The following FANCC variants were observed in gnomAD, a reference collection of about 807,000 sequenced individuals.
The protein encoded by FANCC is FA complementation group C, also known as Fanconi anemia group C protein.
In FANCC, 55 loss-of-function variants were observed where a neutral mutation model predicts 71.3. The ratio of observed to expected loss-of-function variants is 0.77; its 90% CI spans 0.62 to 0.97. The LOEUF (loss-of-function observed/expected upper bound fraction) is 0.97, where lower values mean the gene tolerates loss of function less well. Ranked by LOEUF, FANCC falls within the 50% of genes least tolerant of loss-of-function variation. The probability of loss-of-function intolerance (pLI) is 0.00; values close to 1 mark genes in which losing one functional copy is unlikely to be tolerated. For missense variants in FANCC, 678 were observed against 670.9 expected (o/e 1.01, Z -0.12); for synonymous variants, 275 against 244.9 (o/e 1.12, Z -1.15).
At chr9:95,309,310 A>T (rs895799207) in intron 1 of FANCC, among the ~76,000 whole-genome samples, 1 of 152,192 alleles carries the variant, frequency 6.6e-6, no homozygotes, top group African/African-American at 2.4e-5. Flanking sequence ...AATAAAATGC[A>T]TGCTGTTATA....
intron 7 of FANCC, among the ~76,000 whole-genome samples, chr9:95,141,968 T>C (rs1014816711): frequency 2.0e-5 from 3 of 150,572 alleles, no homozygotes; most frequent in Non-Finnish European, 3.0e-5. Context: ...AATAGTAATA[T>C]GTTAACAGTT....
At chr9:95,268,817 G>A (rs888041690) in intron 1 of FANCC, among the ~76,000 whole-genome samples, 1 of 152,122 alleles carries the variant, frequency 6.6e-6, no homozygotes, top group Non-Finnish European at 1.5e-5. Flanking sequence ...CCTCTCACCA[G>A]ACCAGCCATG....
intron 6 of FANCC, among the ~76,000 whole-genome samples, chr9:95,161,327 C>T: frequency 6.6e-6 from 1 of 152,216 alleles, no homozygotes; most frequent in Admixed American, 6.5e-5. Flanking sequence ...CTATCAACCT[C>T]CAGGAAATAT....
chr9:95,161,473 G>A (rs1313114909), intron 6 of FANCC, among the ~76,000 whole-genome samples: 1 of 152,126 alleles, frequency 6.6e-6, no homozygotes, highest in East Asian at 1.9e-4. Flanking sequence ...CAAATTCCAG[G>A]AAGACCAAAT....
rs1800368 is a variant in FANCC at position 95,107,205 on chromosome 9, T to C, written c.1394A>G (p.Gln465Arg). The change falls in exon 14 of 15, where the codon CAG becomes CGG. Residue 465 changes from glutamine (Q) to arginine (R), a missense_variant. Transcript: ENST00000289081. ...AMSRSSSLSAQDLQTVAGQGT... is the reference protein window; with the variant it reads ...AMSRSSSLSARDLQTVAGQGT... ...CTGTCCTGCTACCGTCTGCAGGTCC[T>C]GGGCTGAGAGGCTGCTGCTTCTGGA... The C allele has an allele frequency of 6.4e-4, 1,038 of 1,614,178 alleles. 3 individuals are homozygous for C. In the African/African-American group the frequency reaches 0.011, roughly 17 times the overall value.
chr9:95,222,669 AT>A (rs1294007307), intron 4 of FANCC, among the ~76,000 whole-genome samples: 1 of 152,262 alleles, frequency 6.6e-6, no homozygotes, highest in Non-Finnish European at 1.5e-5. Flanking sequence ...TTTTTAAAAA[AT>A]AATATAACAC....
intron 8 of FANCC, among the ~76,000 whole-genome samples, chr9:95,133,832 A>C (rs1827252105): frequency 6.6e-6 from 1 of 152,224 alleles, no homozygotes; most frequent in Admixed American, 6.5e-5. Flanking sequence ...AATAAAGGTA[A>C]TTTATGACCT....
At chr9:95,184,297 T>C (rs559094270) in intron 4 of FANCC, among the ~76,000 whole-genome samples, 3 of 152,284 alleles carry the variant, frequency 2.0e-5, no homozygotes, top group African/African-American at 7.2e-5. Context: ...ACTTATATTT[T>C]TCTAAATTAA....
At chr9:95,137,792 G>A (rs1297695161) in intron 7 of FANCC, among the ~76,000 whole-genome samples, 1 of 152,220 alleles carries the variant, frequency 6.6e-6, no homozygotes, top group Non-Finnish European at 1.5e-5. Flanking sequence ...AGCTGCAGAT[G>A]GCAGGAGGCA....
At chr9:95,210,330 T>C (rs1828412613) in intron 4 of FANCC, among the ~76,000 whole-genome samples, 1 of 152,148 alleles carries the variant, frequency 6.6e-6, no homozygotes, top group Non-Finnish European at 1.5e-5. Context: ...ATGTGTTATT[T>C]ATTATTTTTT....
chr9:95,111,668 A>G, intron 12 of FANCC, 31 bp from the exon 13 acceptor site: 2 of 1,613,838 alleles, frequency 1.2e-6, no homozygotes, highest in South Asian at 2.2e-5. Context: ...ATGGCAGTTG[A>G]CAACCTAAAT....
intron 4 of FANCC, among the ~76,000 whole-genome samples, chr9:95,235,652 C>T (rs917694337): frequency 6.6e-6 from 1 of 151,866 alleles, no homozygotes; most frequent in Non-Finnish European, 1.5e-5. Context: ...TGAGACCAGC[C>T]CGACCAACAT....
Position 95,100,603 on chromosome 9 carries a change from TG to T in FANCC, c.*1103del, listed in dbSNP as rs1475807635. On this transcript the variant is annotated 3_prime_UTR_variant, in exon 15 of 15. Coordinates refer to ENST00000289081, the MANE Select transcript of FANCC (RefSeq NM_000136.3). The stretch of plus-strand genomic sequence containing the variant: ...AAGGAAAAAGCACCCTGTACTGACA[TG>T]AAATAAATGTTAACCTTGAGATTAC... 1 of 230,352 alleles carries T rather than the reference TG, an allele frequency of 4.3e-6. No homozygotes were observed. Among genetic ancestry groups the T allele is most frequent in the Non-Finnish European group, 8.6e-6 (1 of 116,288 alleles). 14.3% of individuals were successfully genotyped at this position (230,352 alleles called of 1,614,324 possible). A position where few individuals can be genotyped will look rare whatever the true frequency, so the allele number is the denominator to read the frequency against.
At chr9:95,110,218 T>C in intron 13 of FANCC, 1 of 995,058 alleles carries the variant, frequency 1.0e-6, no homozygotes, top group Non-Finnish European at 1.2e-6. Context: ...TGTAGAACTT[T>C]CTAGAAATTA....
In FANCC at chr9:95,150,060, C is replaced by A. The variant is rs863224611; in HGVS notation, c.549G>T (p.Leu183=). Residue 183 remains leucine, a synonymous_variant, in exon 7 of 15, where the codon CTG becomes CTT. Transcript: ENST00000289081. ...TAATAAGTGGGACACAAACTCGTGA[C>A]AGGGACGCCACTCGCTCGGGAGCCA... ...RRMAPERVAS[L]SRVCVPLITL... 1.2e-6 allele frequency: 2 copies of A among 1,614,080 alleles called. No individual in the cohort carries two copies. The highest frequency in any genetic ancestry group is 3.3e-5 in the Admixed American group (2 of 60,008).
chr9:95,262,809 T>C (rs894754731), intron 1 of FANCC, among the ~76,000 whole-genome samples: 13 of 152,190 alleles, frequency 8.5e-5, no homozygotes, highest in African/African-American at 3.1e-4. Flanking sequence ...TTCTGATACA[T>C]ACAGGAATAA....
In FANCC at chr9:95,135,441, G is replaced by T. The variant is rs778966663; in HGVS notation, c.748C>A (p.Leu250Ile). 1.5e-5 allele frequency: 25 copies of T among 1,613,800 alleles called. No individual in the cohort carries two copies. Among genetic ancestry groups the T allele is most frequent in the African/African-American group, 2.7e-5 (2 of 74,906 alleles). ...AAAAGATGCAGCATTGCTTTTTCAA[G>T]GCTGGGAAGGTGCCGAAGCCAGAGG... ...VCLWLRHLPS[L>I]EKAMLHLFEK... Residue 250 changes from leucine to isoleucine, a missense_variant, in exon 8 of 15, where the codon CTT becomes ATT. Coordinates refer to ENST00000289081, the MANE Select transcript of FANCC (RefSeq NM_000136.3).
At chr9:95,128,722 T>C (rs1452986316) in intron 8 of FANCC, among the ~76,000 whole-genome samples, 1 of 152,214 alleles carries the variant, frequency 6.6e-6, no homozygotes, top group Non-Finnish European at 1.5e-5. Context: ...GTGTGGAATC[T>C]GCTTGTTCTT....
chr9:95,141,715 A>G (rs1042595251), intron 7 of FANCC, among the ~76,000 whole-genome samples: 1 of 152,232 alleles, frequency 6.6e-6, no homozygotes, highest in Non-Finnish European at 1.5e-5. Flanking sequence ...ATGCAAGAGC[A>G]TAACAGACGA....
Sources: allele counts gnomAD v4.1 joint callset (sites outside exome capture counted in the v4.1 genomes callset), GRCh38; gene constraint gnomAD v4.1.1; transcripts MANE v1.5; gene names NCBI Gene and HGNC (gene_info 2026-07-23, HGNC 2026-07-21).